The following ELOVL5 variants were observed in gnomAD, a reference collection of about 807,000 sequenced individuals.
The protein encoded by ELOVL5 is ELOVL fatty acid elongase 5.
In ELOVL5, 8 loss-of-function variants were observed where a neutral mutation model predicts 38.6. The observed-to-expected ratio is 0.21, with a 90% CI of 0.12 to 0.37. The LOEUF (loss-of-function observed/expected upper bound fraction) is 0.37. Ranked by LOEUF, ELOVL5 falls within the 10% of genes least tolerant of loss-of-function variation. The pLI, the probability that ELOVL5 is intolerant of heterozygous loss-of-function variation, is 1.00. For synonymous variants in ELOVL5, 127 were observed against 133.7 expected (o/e 0.95, Z 0.34); for missense variants, 280 against 367.8 (o/e 0.76, Z 1.95).
At chr6:53,273,115 G>C (rs894971196) in intron 6 of ELOVL5, 105 bp downstream of exon 6, 5 of 1,196,508 alleles carry the variant, frequency 4.2e-6, no homozygotes, top group African/African-American at 1.5e-5. Flanking sequence ...AAATGAAAAA[G>C]GGTGGAGAAG....
At chr6:53,317,237 T>C (rs765243050) in intron 1 of ELOVL5, among the ~76,000 whole-genome samples, 8 of 152,198 alleles carry the variant, frequency 5.3e-5, no homozygotes, top group Non-Finnish European at 1.2e-4. Flanking sequence ...AAGGAAGCTT[T>C]CCAAAGTGAT....
intron 1 of ELOVL5, among the ~76,000 whole-genome samples, chr6:53,319,084 C>A (rs1020218875): frequency 1.3e-5 from 2 of 151,272 alleles, no homozygotes; most frequent in Non-Finnish European, 2.9e-5. Context: ...GAGATCGAGA[C>A]CATGGTGAAA....
intron 1 of ELOVL5, among the ~76,000 whole-genome samples, chr6:53,312,296 GAT>G (rs1161977307): frequency 6.6e-6 from 1 of 152,100 alleles, no homozygotes; most frequent in African/African-American, 2.4e-5. Flanking sequence ...AAACAAACAA[GAT>G]ACTCTCCAAC....
chr6:53,327,133 C>A (rs377579786), intron 1 of ELOVL5, among the ~76,000 whole-genome samples: 2 of 152,190 alleles, frequency 1.3e-5, no homozygotes, highest in Non-Finnish European at 2.9e-5. Context: ...TTTCTATCCA[C>A]TCACTCCTCC....
In ELOVL5 at chr6:53,334,700, T is replaced by C. The variant is rs150336133; in HGVS notation, c.-9+14117A>G. On this transcript the variant is annotated intron_variant, in intron 1 of 7. Transcript: ENST00000304434. Reference sequence around the variant, plus strand: ...CATCTGATCTCTCTCCACCTACAGATGGTGGTCCTGAATCTCCAAATCAAC... The same window carrying C: ...CATCTGATCTCTCTCCACCTACAGACGGTGGTCCTGAATCTCCAAATCAAC... 5.9e-3 allele frequency among the ~76,000 whole-genome samples: 895 copies of C among 152,278 alleles called. 1 individual carries two copies. Among genetic ancestry groups the C allele is most frequent in the Non-Finnish European group, 8.0e-3 (546 of 68,028 alleles).
chr6:53,348,388 G>A (rs1207906639), intron 1 of ELOVL5, among the ~76,000 whole-genome samples: 1 of 150,818 alleles, frequency 6.6e-6, no homozygotes. Context: ...CGCTCCCTCC[G>A]AGAGCGCTCC....
intron 1 of ELOVL5, among the ~76,000 whole-genome samples, chr6:53,315,071 T>C (rs989514487): frequency 6.6e-6 from 1 of 152,238 alleles, no homozygotes; most frequent in African/African-American, 2.4e-5. Context: ...AAATAGCACA[T>C]GCTGCTAGAT....
intron 1 of ELOVL5, among the ~76,000 whole-genome samples, chr6:53,307,408 C>T (rs1767624193): frequency 6.6e-6 from 1 of 152,122 alleles, no homozygotes; most frequent in South Asian, 2.1e-4. Context: ...CATTAACTTC[C>T]TCATGTGATT....
chr6:53,347,006 A>G (rs1434288498), intron 1 of ELOVL5, among the ~76,000 whole-genome samples: 1 of 152,236 alleles, frequency 6.6e-6, no homozygotes, highest in African/African-American at 2.4e-5. Context: ...TGATCCTGCC[A>G]CATAAAATCC....
intron 3 of ELOVL5, chr6:53,287,786 G>T: frequency 7.5e-7 from 1 of 1,334,976 alleles, no homozygotes; most frequent in Non-Finnish European, 1.0e-6. Flanking sequence ...GCCTCCTTCT[G>T]AGGAAAGGAG....
chr6:53,281,419 G>T (rs1355253976), intron 3 of ELOVL5, among the ~76,000 whole-genome samples: 1 of 152,148 alleles, frequency 6.6e-6, no homozygotes. Flanking sequence ...AATGAGAAGT[G>T]ATAAGGATGG....
rs1765828463 is a variant in ELOVL5 at position 53,269,027 on chromosome 6, G to A, written c.*100C>T. On this transcript the variant is annotated 3_prime_UTR_variant, in exon 8 of 8. Transcript: ENST00000304434. The stretch of plus-strand genomic sequence containing the variant: ...GTCCTACATGAATCACACTATTGTA[G>A]GCCAGACTAGTTACAGCAGCTGTTA... 2 of 1,394,152 alleles carry A rather than the reference G, an allele frequency of 1.4e-6. No homozygotes were observed. The highest frequency in any genetic ancestry group is 1.4e-5 in the African/African-American group (1 of 69,744). The allele number at this position is 1,394,152 out of a possible 1,614,324, so 86.4% of individuals were successfully genotyped here. A position where few individuals can be genotyped will look rare whatever the true frequency, so the allele number is the denominator to read the frequency against.
At position 53,287,522 on chromosome 6, in the gene ELOVL5, C is replaced by T. The variant is rs186705916; in HGVS notation, c.246+4254G>A. Among the ~76,000 whole-genome samples the T allele has an allele frequency of 5.3e-4, 80 of 152,160 alleles. 1 individual carries two copies. Among genetic ancestry groups the T allele is most frequent in the African/African-American group, 1.6e-3 (68 of 41,532 alleles). ...ACTTTGAAAGGAATGCATCATAGTC[C>T]GTGGGAACAATGGGATAGCCAAAGA... On this transcript the variant is annotated intron_variant, in intron 3 of 7. Coordinates refer to ENST00000304434, the MANE Select transcript of ELOVL5 (RefSeq NM_021814.5).
chr6:53,303,211 A>C (rs976631586), intron 1 of ELOVL5, among the ~76,000 whole-genome samples: 4 of 152,268 alleles, frequency 2.6e-5, no homozygotes, highest in Non-Finnish European at 5.9e-5. Context: ...GAATGTTAAA[A>C]TTCAAAATGT....
At chr6:53,269,968 C>G (rs1238030467) in intron 7 of ELOVL5, among the ~76,000 whole-genome samples, 2 of 152,166 alleles carry the variant, frequency 1.3e-5, no homozygotes, top group African/African-American at 2.4e-5. Flanking sequence ...GATCAGCAGG[C>G]CTTATGGCTA....
chr6:53,304,606 A>C (rs1767404537), intron 1 of ELOVL5, among the ~76,000 whole-genome samples: 1 of 152,144 alleles, frequency 6.6e-6, no homozygotes, highest in Non-Finnish European at 1.5e-5. Context: ...TGGGTACTTG[A>C]GACTGGGGAG....
At chr6:53,343,017 A>G (rs1156354159) in intron 1 of ELOVL5, among the ~76,000 whole-genome samples, 1 of 152,230 alleles carries the variant, frequency 6.6e-6, no homozygotes, top group Non-Finnish European at 1.5e-5. Flanking sequence ...AAGGCTGGTA[A>G]TAACATTTAC....
chr6:53,281,121 G>A (rs770498361), intron 3 of ELOVL5, among the ~76,000 whole-genome samples: 1 of 152,164 alleles, frequency 6.6e-6, no homozygotes, highest in Non-Finnish European at 1.5e-5. Flanking sequence ...CAAGATGTCA[G>A]AGCAACAAGA....
At chr6:53,340,035 T>G (rs1481745770) in intron 1 of ELOVL5, among the ~76,000 whole-genome samples, 5 of 151,998 alleles carry the variant, frequency 3.3e-5, no homozygotes, top group Non-Finnish European at 5.9e-5. Flanking sequence ...TTTTAGTTTT[T>G]AACAAAAAAG....
Sources: gnomAD v4.1 joint callset for allele counts (sites outside exome capture counted in the v4.1 genomes callset) on GRCh38, gnomAD v4.1.1 for gene constraint, MANE v1.5 for transcripts, NCBI Gene and HGNC (gene_info 2026-07-23, HGNC 2026-07-21) for gene names.